The following LIN7A variants were observed in gnomAD, a reference collection of about 807,000 sequenced individuals.
LIN7A encodes the protein protein lin-7 homolog A.
In LIN7A, 25 loss-of-function variants were observed where a neutral mutation model predicts 29.8. The observed-to-expected ratio is 0.84, with a 90% CI of 0.61 to 1.17. LIN7A has a LOEUF of 1.17. Ranked by LOEUF, LIN7A falls within the 50% of genes most tolerant of loss-of-function variation. The probability of loss-of-function intolerance (pLI) is 0.00; values close to 1 mark genes in which losing one functional copy is unlikely to be tolerated. For synonymous variants in LIN7A, 118 were observed against 107.5 expected (o/e 1.10, Z -0.60); for missense variants, 239 against 287.0 (o/e 0.83, Z 1.21).
At chr12:80,823,484 C>T (rs889215264) in intron 4 of LIN7A, among the ~76,000 whole-genome samples, 15 of 152,230 alleles carry the variant, frequency 9.9e-5, no homozygotes, top group African/African-American at 3.4e-4. Flanking sequence ...CCTAGAGCTG[C>T]CCACCCTGCC....
chr12:80,891,074 C>T (rs545314864), intron 1 of LIN7A, among the ~76,000 whole-genome samples: 2 of 152,234 alleles, frequency 1.3e-5, no homozygotes, highest in African/African-American at 4.8e-5. Context: ...TTTCACACTC[C>T]CCTTGCATAC....
Position 80,811,782 on chromosome 12 carries a change from A to G in LIN7A, c.484-99T>C, listed in dbSNP as rs564865600. 1.7e-3 allele frequency: 2,365 copies of G among 1,361,216 alleles called. 4 individuals carry two copies. The highest frequency in any genetic ancestry group is 2.1e-3 in the Non-Finnish European group (2,134 of 1,005,002). 84.3% of individuals were successfully genotyped at this position (1,361,216 alleles called of 1,614,324 possible). On this transcript the variant is annotated intron_variant, in intron 4 of 5. Transcript: ENST00000552864. ...TATCACATTAAGAACCCAAAATTTA[A>G]AATTTTAAGAAAACATGGCAAATGA...
At chr12:80,811,398 T>G in intron 5 of LIN7A, 67 bp downstream of exon 5, 1 of 610,188 alleles carries the variant, frequency 1.6e-6, no homozygotes, top group East Asian at 2.9e-5. Flanking sequence ...AGTATATTCA[T>G]ATATACATAT....
intron 1 of LIN7A, among the ~76,000 whole-genome samples, chr12:80,904,454 C>T (rs1876374845): frequency 6.6e-6 from 1 of 152,044 alleles, no homozygotes; most frequent in Non-Finnish European, 1.5e-5. Context: ...TCTCCCTAGC[C>T]CCCACCTTCT....
At chr12:80,818,191 C>A (rs963397359) in intron 4 of LIN7A, among the ~76,000 whole-genome samples, 3 of 152,072 alleles carry the variant, frequency 2.0e-5, no homozygotes, top group African/African-American at 7.2e-5. Context: ...TGGAGTCTCG[C>A]TCTGTCCCCC....
chr12:80,856,152 T>C (rs7314436), intron 2 of LIN7A, among the ~76,000 whole-genome samples: 64,847 of 151,962 alleles, frequency 0.43, 14,292 homozygotes, highest in East Asian at 0.68. Context: ...ATACAAGTCA[T>C]GTCTACTACA....
rs569686701 is a variant in LIN7A at position 80,883,042 on chromosome 12, T to C, written c.201+6209A>G. 2.8e-3 allele frequency among the ~76,000 whole-genome samples: 421 copies of C among 152,096 alleles called. 1 individual carries two copies. Among genetic ancestry groups the C allele is most frequent in the Non-Finnish European group, 4.1e-3 (277 of 67,966 alleles). On this transcript the variant is annotated intron_variant, in intron 2 of 5. Coordinates refer to ENST00000552864, the MANE Select transcript of LIN7A (RefSeq NM_004664.4). The stretch of plus-strand genomic sequence containing the variant: ...AGCTATGATTCAGTATCAGCTTTAC[T>C]TCCCTCCCTCCCTCCTTCCTTCTTT...
At chr12:80,898,619 G>A (rs1186020399) in intron 1 of LIN7A, among the ~76,000 whole-genome samples, 1 of 27,748 alleles carries the variant, frequency 3.6e-5, no homozygotes, top group African/African-American at 4.5e-5. Flanking sequence ...CATGAGCAGA[G>A]TATGTTTTTT....
At chr12:80,922,931 C>A (rs1256141247) in intron 1 of LIN7A, among the ~76,000 whole-genome samples, 1 of 152,100 alleles carries the variant, frequency 6.6e-6, no homozygotes, top group Non-Finnish European at 1.5e-5. Context: ...TGGCTTCAGG[C>A]AGCCCCCGGG....
chr12:80,852,061 T>G (rs769594110), intron 2 of LIN7A, among the ~76,000 whole-genome samples: 51 of 152,136 alleles, frequency 3.4e-4, no homozygotes, highest in Non-Finnish European at 6.8e-4. Flanking sequence ...CTGGGCTAAA[T>G]TATGAAAATA....
chr12:80,899,573 T>C (rs922604906), intron 1 of LIN7A, among the ~76,000 whole-genome samples: 1 of 151,922 alleles, frequency 6.6e-6, no homozygotes, highest in South Asian at 2.1e-4. Context: ...CAGTTCTTCT[T>C]TATGTATCTG....
intron 1 of LIN7A, among the ~76,000 whole-genome samples, chr12:80,915,798 G>A (rs778417651): frequency 6.6e-6 from 1 of 152,072 alleles, no homozygotes; most frequent in Admixed American, 6.6e-5. Context: ...AATACCACAC[G>A]TTCTCACTTA....
intron 5 of LIN7A, among the ~76,000 whole-genome samples, chr12:80,802,317 C>T (rs1292613898): frequency 6.6e-6 from 1 of 152,144 alleles, no homozygotes; most frequent in Non-Finnish European, 1.5e-5. Flanking sequence ...TGAAAGATTT[C>T]CCTCCCTTTT....
rs368426924 is a variant in LIN7A at position 80,856,760 on chromosome 12, C to G, written c.202-8438G>C. Among the ~76,000 whole-genome samples the G allele has an allele frequency of 1.6e-4, 25 of 152,286 alleles. No individual in the cohort carries two copies. The South Asian group carries it at 5.2e-3, about 32-fold the overall frequency. On this transcript the variant is annotated intron_variant, in intron 2 of 5. Transcript: ENST00000552864. ...AAACAAAATCAGCCTACCTCTAGAG[C>G]CTACTACTTCAGTCGTATCCTGACA...
At chr12:80,801,268 A>G (rs1278090786) in intron 5 of LIN7A, among the ~76,000 whole-genome samples, 2 of 152,208 alleles carry the variant, frequency 1.3e-5, no homozygotes, top group Non-Finnish European at 2.9e-5. Context: ...GAAATAAATT[A>G]ACAGTTTTGC....
intron 2 of LIN7A, among the ~76,000 whole-genome samples, chr12:80,851,947 T>A (rs1161213544): frequency 6.6e-6 from 1 of 152,172 alleles, no homozygotes; most frequent in Non-Finnish European, 1.5e-5. Context: ...TGAAAAAGAT[T>A]AACTTAAAAA....
At chr12:80,870,993 T>C (rs1874401230) in intron 2 of LIN7A, among the ~76,000 whole-genome samples, 1 of 152,214 alleles carries the variant, frequency 6.6e-6, no homozygotes, top group Non-Finnish European at 1.5e-5. Context: ...AAAATTCTGC[T>C]GTAAATGTAA....
rs577399347 is a variant in LIN7A, at chr12:80,803,842, G to A, written c.*1-6116C>T. Among the ~76,000 whole-genome samples the A allele has an allele frequency of 3.3e-5, 5 of 152,228 alleles. No homozygotes were observed. The East Asian group carries it at 5.8e-4, about 18-fold the overall frequency. Reference sequence around the variant, plus strand: ...ATGGGGTACTATTTTAAAGGTAATCGATAAGGGTGATTTGGATAACTGCAT... The same window carrying A: ...ATGGGGTACTATTTTAAAGGTAATCAATAAGGGTGATTTGGATAACTGCAT... On this transcript the variant is annotated intron_variant, in intron 5 of 5. Coordinates refer to ENST00000552864, the MANE Select transcript of LIN7A (RefSeq NM_004664.4).
At chr12:80,864,492 A>G (rs1363071339) in intron 2 of LIN7A, among the ~76,000 whole-genome samples, 1 of 152,132 alleles carries the variant, frequency 6.6e-6, no homozygotes, top group African/African-American at 2.4e-5. Flanking sequence ...ATGTGTTTTC[A>G]TTAGGAACAT....
Sources: allele counts gnomAD v4.1 joint callset (sites outside exome capture counted in the v4.1 genomes callset), GRCh38; gene constraint gnomAD v4.1.1; transcripts MANE v1.5; gene names NCBI Gene and HGNC (gene_info 2026-07-23, HGNC 2026-07-21).